The following TPP2 variants were observed in gnomAD, a reference collection of about 807,000 sequenced individuals.
TPP2 encodes the protein tripeptidyl-peptidase 2.
TPP2 carries 34 observed loss-of-function variants against 155.9 expected under a neutral mutation model. That is an observed-to-expected ratio of 0.22 (90% CI 0.17 to 0.29). The LOEUF is 0.29. TPP2 is among the 10% of genes least tolerant of loss of function. The pLI is 1.00. For missense variants in TPP2, 1,028 were observed against 1,522.3 expected (o/e 0.68, Z 5.40); for synonymous variants, 510 against 529.4 (o/e 0.96, Z 0.50).
chr13:102,605,750 G>A (rs1389886878), intron 2 of TPP2, among the ~76,000 whole-genome samples: 1 of 144,110 alleles, frequency 6.9e-6, no homozygotes, highest in African/African-American at 2.6e-5. Flanking sequence ...GAGACATAGA[G>A]TCTTGCTCCG....
At chr13:102,650,382 A>G (rs582853) in intron 23 of TPP2, among the ~76,000 whole-genome samples, 75,359 of 151,920 alleles carry the variant, frequency 0.5, 19,080 homozygotes, top group African/African-American at 0.6. Context: ...TTGAACCAAA[A>G]GCCATTTATT....
chr13:102,621,941 G>T (rs1881198809), intron 5 of TPP2, among the ~76,000 whole-genome samples: 1 of 152,140 alleles, frequency 6.6e-6, no homozygotes, highest in Non-Finnish European at 1.5e-5. Flanking sequence ...TGACTTGTTT[G>T]CTCTTTGCTT....
intron 1 of TPP2, 71 bp downstream of exon 1, chr13:102,597,274 G>C (rs1205891143): frequency 2.2e-6 from 2 of 913,978 alleles, no homozygotes; most frequent in Non-Finnish European, 3.0e-6. Context: ...ACACAGTCTC[G>C]GAGCCCGGCA....
chr13:102,678,168 A>G, intron 29 of TPP2, 59 bp from the exon 30 acceptor site: 1 of 1,473,070 alleles, frequency 6.8e-7, no homozygotes. Flanking sequence ...TATTCTAAAT[A>G]CTGAGCTTAA....
intron 6 of TPP2, among the ~76,000 whole-genome samples, chr13:102,625,894 T>C (rs1566335110): frequency 6.6e-6 from 1 of 152,250 alleles, no homozygotes; most frequent in Admixed American, 6.5e-5. Flanking sequence ...CTGAGACTAG[T>C]GGGATATTTC....
chr13:102,620,803 TAC>T (rs1321877786), intron 5 of TPP2, among the ~76,000 whole-genome samples: 3 of 152,202 alleles, frequency 2.0e-5, no homozygotes, highest in Non-Finnish European at 4.4e-5. Context: ...AAACAGTGTT[TAC>T]AGAGGATTAC....
intron 5 of TPP2, among the ~76,000 whole-genome samples, chr13:102,620,840 T>A (rs561470630): frequency 1.3e-5 from 2 of 152,332 alleles, no homozygotes; most frequent in East Asian, 3.9e-4. Context: ...ATTAGTTGAT[T>A]TCTTTACAGT....
chr13:102,674,397 A>C lies in TPP2; in HGVS notation c.3486A>C (p.Ala1162=). 1 of 1,614,008 alleles carries C rather than the reference A, an allele frequency of 6.2e-7. No homozygotes were observed. Among genetic ancestry groups the C allele is most frequent in the Non-Finnish European group, 8.5e-7 (1 of 1,179,886 alleles). ...AAGACGGAGCCATTTCCACTGATGC[A>C]GAAGGAAAGGAGGAGGAAGGAGAAA... ...QAQDGAISTD[A]EGKEEEGESP... Residue 1162 remains alanine, a synonymous_variant, in exon 28 of 30, where the codon GCA becomes GCC. Coordinates refer to ENST00000376052, the MANE Select transcript of TPP2 (RefSeq NM_001330588.2).
At chr13:102,599,617 C>T (rs1940017898) in intron 1 of TPP2, among the ~76,000 whole-genome samples, 1 of 152,130 alleles carries the variant, frequency 6.6e-6, no homozygotes, top group South Asian at 2.1e-4. Context: ...CTTCCTTGGG[C>T]CCAATTCTTT....
At chr13:102,659,162 G>C (rs1262166495) in intron 25 of TPP2, among the ~76,000 whole-genome samples, 2 of 152,102 alleles carry the variant, frequency 1.3e-5, no homozygotes, top group African/African-American at 2.4e-5. Flanking sequence ...TGCCTTAAGG[G>C]CTCTCTCAAA....
chr13:102,654,841 G>A (rs551275279), intron 24 of TPP2: 3 of 418,296 alleles, frequency 7.2e-6, no homozygotes, highest in African/African-American at 2.0e-5. Flanking sequence ...ATAAGAACTT[G>A]GTGGTAGAAG....
intron 27 of TPP2, among the ~76,000 whole-genome samples, chr13:102,673,366 G>GCCTC (rs1311513835): frequency 6.5e-4 from 99 of 152,280 alleles, no homozygotes; most frequent in African/African-American, 2.3e-3. Context: ...ACAGCTAAGT[G>GCCTC]CCTCAATCAT....
intron 8 of TPP2, 118 bp downstream of exon 8, chr13:102,628,042 T>C (rs1674751899): frequency 1.3e-6 from 1 of 785,018 alleles, no homozygotes. Flanking sequence ...AGTGGTTAGA[T>C]GATAACTGTG....
Position 102,596,993 on chromosome 13 carries a change from G to T in TPP2, c.-46G>T. On this transcript the variant is annotated 5_prime_UTR_variant, in exon 1 of 30. Coordinates refer to ENST00000376052, the MANE Select transcript of TPP2 (RefSeq NM_001330588.2). ...GGGTGTCCTCGCGCTGCTAGTCCGC[G>T]CGCAGCCTGGCAGTTTGCCGCTTCC... is the stretch of plus-strand genomic sequence containing the variant. 6.3e-7 allele frequency: 1 copy of T among 1,597,028 alleles called. No individual in the cohort carries two copies. Among genetic ancestry groups the T allele is most frequent in the African/African-American group, 1.4e-5 (1 of 73,030 alleles).
At chr13:102,597,297 G>A in intron 1 of TPP2, 94 bp downstream of exon 1, 1 of 734,226 alleles carries the variant, frequency 1.4e-6, no homozygotes, top group Non-Finnish European at 1.9e-6. Flanking sequence ...CCAAAGCCCC[G>A]CTCTGCGGCC....
At chr13:102,641,375 C>T (rs1477666648) in intron 16 of TPP2, among the ~76,000 whole-genome samples, 1 of 152,182 alleles carries the variant, frequency 6.6e-6, no homozygotes, top group Non-Finnish European at 1.5e-5. Context: ...GATTTGGCCC[C>T]TCTGCTAAGC....
chr13:102,665,802 T>G (rs762422379), intron 27 of TPP2, among the ~76,000 whole-genome samples: 8 of 152,208 alleles, frequency 5.3e-5, no homozygotes, highest in Non-Finnish European at 1.0e-4. Context: ...CTTAAAAATT[T>G]TCTCAGTTTC....
intron 10 of TPP2, among the ~76,000 whole-genome samples, chr13:102,632,958 C>T (rs752648763): frequency 2.2e-4 from 33 of 152,062 alleles, no homozygotes; most frequent in Non-Finnish European, 4.3e-4. Context: ...TGCTGTCAGC[C>T]CATTTCAAGA....
chr13:102,601,610 G>A (rs997945486), intron 1 of TPP2, among the ~76,000 whole-genome samples: 2 of 152,110 alleles, frequency 1.3e-5, no homozygotes, highest in Admixed American at 6.6e-5. Context: ...AGCTCTTACC[G>A]ATACTAACTG....
Sources: gnomAD v4.1 joint callset for allele counts (sites outside exome capture counted in the v4.1 genomes callset) on GRCh38, gnomAD v4.1.1 for gene constraint, MANE v1.5 for transcripts, NCBI Gene and HGNC (gene_info 2026-07-23, HGNC 2026-07-21) for gene names.